The following CSMD1 variants were observed in gnomAD, a reference collection of about 807,000 sequenced individuals.
CSMD1 encodes the protein CUB and sushi domain-containing protein 1.
CSMD1 carries 213 observed loss-of-function variants against 417.5 expected under a neutral mutation model. The observed-to-expected ratio is 0.51, with a 90% CI of 0.46 to 0.57. The LOEUF (loss-of-function observed/expected upper bound fraction) is 0.57. Among genes scored for constraint, CSMD1 ranks in the 20% least tolerant of loss-of-function variants. CSMD1 has a pLI of 0.00. For missense variants in CSMD1, 6,923 were observed against 4,529.7 expected (o/e 1.53, Z -15.17); for synonymous variants, 2,862 against 1,736.8 (o/e 1.65, Z -16.11).
At chr8:4,947,490 T>C (rs1389028481) in intron 1 of CSMD1, among the ~76,000 whole-genome samples, 1 of 152,038 alleles carries the variant, frequency 6.6e-6, no homozygotes, top group Non-Finnish European at 1.5e-5. Context: ...AATGAGAAAA[T>C]GAGAACCATG....
intron 2 of CSMD1, among the ~76,000 whole-genome samples, chr8:4,518,997 C>A (rs1803279697): frequency 6.6e-6 from 1 of 152,110 alleles, no homozygotes; most frequent in South Asian, 2.1e-4. Flanking sequence ...TCTTTTGCTG[C>A]ACTACAGTAT....
At chr8:4,034,925 A>T (rs1278508181) in intron 3 of CSMD1, among the ~76,000 whole-genome samples, 1 of 152,200 alleles carries the variant, frequency 6.6e-6, no homozygotes, top group Non-Finnish European at 1.5e-5. Context: ...TCATTGTCAC[A>T]CACGGAAAAT....
chr8:4,457,949 C>T (rs184030819), intron 2 of CSMD1, among the ~76,000 whole-genome samples: 20 of 152,240 alleles, frequency 1.3e-4, no homozygotes, highest in Admixed American at 9.8e-4. Flanking sequence ...TCAACCCAGG[C>T]AGAAAAACCC....
intron 10 of CSMD1, among the ~76,000 whole-genome samples, chr8:3,518,561 T>C (rs2117437547): frequency 6.6e-6 from 1 of 152,270 alleles, no homozygotes; most frequent in East Asian, 1.9e-4. Context: ...AGTATCTATG[T>C]GAAAGTAAAT....
chr8:4,279,300 C>G (rs950517072), intron 3 of CSMD1, among the ~76,000 whole-genome samples: 3 of 152,172 alleles, frequency 2.0e-5, no homozygotes, highest in Non-Finnish European at 4.4e-5. Context: ...CTGCTTCAAA[C>G]AAGTCATGAA....
rs573435130 is a variant in CSMD1 at position 3,159,570 on chromosome 8, T to C, written c.5845-1604A>G. Among the ~76,000 whole-genome samples the C allele has an allele frequency of 1.6e-4, 25 of 152,322 alleles. No individual in the cohort carries two copies. In the South Asian group the frequency reaches 2.5e-3, roughly 15 times the overall value. On this transcript the variant is annotated intron_variant, in intron 38 of 69. Transcript: ENST00000635120. ...TAATATGTAATTGATGCATCTGTTG[T>C]TCCAAATATATTAAAGTGTTAGTAA...
chr8:3,434,078 C>G lies in CSMD1; in HGVS notation c.1562-24473G>C, dbSNP rs1348411950. On this transcript the variant is annotated intron_variant, in intron 12 of 69. Transcript: ENST00000635120. The stretch of plus-strand genomic sequence containing the variant: ...ATTCTTTGATTATGAGACCTGAGGT[C>G]TTAGTAGCATCTGATGCTTTCCAGA... Among the ~76,000 whole-genome samples the G allele has an allele frequency of 2.6e-5, 4 of 152,166 alleles. No individual in the cohort carries two copies. In the East Asian group the frequency reaches 5.8e-4, roughly 22 times the overall value.
chr8:4,194,141 G>A (rs1410293355), intron 3 of CSMD1, among the ~76,000 whole-genome samples: 1 of 152,082 alleles, frequency 6.6e-6, no homozygotes, highest in Non-Finnish European at 1.5e-5. Flanking sequence ...TGATAAAAAT[G>A]ACCAAGAAAA....
chr8:4,929,845 G>C (rs1807128087), intron 1 of CSMD1, among the ~76,000 whole-genome samples: 1 of 152,114 alleles, frequency 6.6e-6, no homozygotes, highest in Non-Finnish European at 1.5e-5. Context: ...ATCCCCATTG[G>C]CAAATTTAAG....
chr8:3,586,302 CAGA>C, intron 8 of CSMD1, 42 bp from the exon 9 acceptor site: 4 of 1,504,162 alleles, frequency 2.7e-6, no homozygotes, highest in Non-Finnish European at 3.5e-6. Flanking sequence ...AAATTATTTA[CAGA>C]AGACTTCTTT....
chr8:4,303,226 T>A (rs1798073295), intron 3 of CSMD1, among the ~76,000 whole-genome samples: 1 of 152,280 alleles, frequency 6.6e-6, no homozygotes, highest in South Asian at 2.1e-4. Context: ...AGGCATCATC[T>A]ATTTCAGATA....
At chr8:3,788,218 T>C (rs1214347927) in intron 5 of CSMD1, among the ~76,000 whole-genome samples, 1 of 152,190 alleles carries the variant, frequency 6.6e-6, no homozygotes, top group Non-Finnish European at 1.5e-5. Flanking sequence ...GATCACAGGA[T>C]TTAACAGGCA....
intron 46 of CSMD1, among the ~76,000 whole-genome samples, chr8:3,099,431 T>G (rs1815574995): frequency 6.6e-6 from 1 of 152,144 alleles, no homozygotes; most frequent in Admixed American, 6.6e-5. Flanking sequence ...TTCAATAAAC[T>G]TATTCACCTG....
At chr8:3,978,372 T>G (rs923596164) in intron 5 of CSMD1, among the ~76,000 whole-genome samples, 3 of 152,182 alleles carry the variant, frequency 2.0e-5, no homozygotes, top group Non-Finnish European at 4.4e-5. Context: ...TACATCTTAT[T>G]TATCAAATAT....
chr8:3,802,963 T>C (rs1241005328), intron 5 of CSMD1, among the ~76,000 whole-genome samples: 1 of 152,150 alleles, frequency 6.6e-6, no homozygotes, highest in African/African-American at 2.4e-5. Context: ...CAGCCAAAAA[T>C]GTTCATGATC....
intron 10 of CSMD1, among the ~76,000 whole-genome samples, chr8:3,538,057 G>A (rs1342394519): frequency 6.6e-6 from 1 of 152,198 alleles, no homozygotes; most frequent in Non-Finnish European, 1.5e-5. Context: ...TGCAGAACCT[G>A]ATGGTCAATG....
At chr8:3,649,713 A>T (rs1797751348) in intron 7 of CSMD1, among the ~76,000 whole-genome samples, 1 of 152,198 alleles carries the variant, frequency 6.6e-6, no homozygotes, top group Non-Finnish European at 1.5e-5. Flanking sequence ...CGGGATTATA[A>T]TTCAAGATGA....
chr8:4,889,428 G>C (rs13267077), intron 1 of CSMD1, among the ~76,000 whole-genome samples: 1 of 151,774 alleles, frequency 6.6e-6, no homozygotes, highest in South Asian at 2.1e-4. Flanking sequence ...GCTGGGAAAA[G>C]TAGCCAAAAT....
intron 1 of CSMD1, among the ~76,000 whole-genome samples, chr8:4,799,743 G>A (rs1037916056): frequency 6.7e-6 from 1 of 149,742 alleles, no homozygotes; most frequent in Non-Finnish European, 1.5e-5. Flanking sequence ...ATGTCAAAAA[G>A]CTTTACATTT....
Sources: allele counts gnomAD v4.1 joint callset (sites outside exome capture counted in the v4.1 genomes callset), GRCh38; gene constraint gnomAD v4.1.1; transcripts MANE v1.5; gene names NCBI Gene and HGNC (gene_info 2026-07-23, HGNC 2026-07-21).